The following ZFAND3 variants were observed in gnomAD, a reference collection of about 807,000 sequenced individuals.
ZFAND3 encodes the protein AN1-type zinc finger protein 3.
In ZFAND3, 10 loss-of-function variants were observed where a neutral mutation model predicts 29.6. The observed-to-expected ratio is 0.34, with a 90% CI of 0.21 to 0.57. ZFAND3 has a LOEUF of 0.57. Ranked by LOEUF, ZFAND3 falls within the 20% of genes least tolerant of loss-of-function variation. The pLI is 0.86. For missense variants in ZFAND3, 230 were observed against 304.5 expected, an observed-to-expected ratio of 0.76 and a Z score of 1.82; for synonymous variants, 128 against 112.6, an observed-to-expected ratio of 1.14 and a Z score of -0.87.
At position 38,061,642 on chromosome 6, in the gene ZFAND3, C is replaced by T; in HGVS notation, c.162C>T (p.Asn54=). The change falls in exon 3 of 6, where the codon AAC becomes AAT. Residue 54 remains asparagine (N), a synonymous_variant. Coordinates refer to ENST00000287218, the MANE Select transcript of ZFAND3 (RefSeq NM_021943.3). ...PDDDSAPSTS[N]SQSDLFSEET... ...ATGATTCCGCTCCAAGTACAAGTAA[C>T]AGCCAATCAGATTTGTTTTCCGAAG... is the stretch of plus-strand genomic sequence containing the variant. 2 of 1,614,172 alleles carry T rather than the reference C, an allele frequency of 1.2e-6. No individual in the cohort carries two copies. Among genetic ancestry groups the T allele is most frequent in the Non-Finnish European group, 8.5e-7 (1 of 1,180,014 alleles).
At chr6:38,126,457 T>C (rs146953234) in intron 5 of ZFAND3, among the ~76,000 whole-genome samples, 24 of 152,370 alleles carry the variant, frequency 1.6e-4, no homozygotes, top group Admixed American at 7.8e-4. Flanking sequence ...GTCCTTAACA[T>C]TGTAAGAAAC....
At chr6:38,057,129 A>G (rs1764147072) in intron 2 of ZFAND3, among the ~76,000 whole-genome samples, 1 of 152,204 alleles carries the variant, frequency 6.6e-6, no homozygotes, top group African/African-American at 2.4e-5. Context: ...TGAGAATTAT[A>G]AAATATATCA....
intron 2 of ZFAND3, among the ~76,000 whole-genome samples, chr6:37,957,132 A>G (rs548219077): frequency 2.3e-4 from 35 of 152,266 alleles, no homozygotes; most frequent in African/African-American, 7.9e-4. Context: ...GTTTGAAACG[A>G]TTCAGTCTTT....
chr6:37,871,592 T>G (rs897366586), intron 1 of ZFAND3, among the ~76,000 whole-genome samples: 6 of 152,232 alleles, frequency 3.9e-5, no homozygotes, highest in Non-Finnish European at 7.3e-5. Flanking sequence ...AACATTAATT[T>G]CTTGGTTTCT....
chr6:38,067,482 T>C (rs1764369226), intron 3 of ZFAND3, among the ~76,000 whole-genome samples: 1 of 152,228 alleles, frequency 6.6e-6, no homozygotes, highest in African/African-American at 2.4e-5. Context: ...CCATTCTCTA[T>C]CATGATTTAC....
chr6:37,901,210 C>T (rs1765313096), intron 1 of ZFAND3, among the ~76,000 whole-genome samples: 1 of 152,036 alleles, frequency 6.6e-6, no homozygotes, highest in African/African-American at 2.4e-5. Context: ...GTTCTATAAT[C>T]GTATATTCCT....
At chr6:38,103,426 CATATATATACACGTGT>C (rs1352820100) in intron 4 of ZFAND3, among the ~76,000 whole-genome samples, 4 of 133,192 alleles carry the variant, frequency 3.0e-5, no homozygotes, top group African/African-American at 6.6e-5. Context: ...TATACACACA[CATATATATACACGTGT>C]ATATATATAC....
chr6:37,898,559 A>T (rs754399090), intron 1 of ZFAND3, among the ~76,000 whole-genome samples: 1 of 152,290 alleles, frequency 6.6e-6, no homozygotes, highest in South Asian at 2.1e-4. Context: ...TGTGGTTTTG[A>T]TTGAAATTCT....
At chr6:37,846,596 A>G (rs1200495011) in intron 1 of ZFAND3, among the ~76,000 whole-genome samples, 2 of 152,140 alleles carry the variant, frequency 1.3e-5, no homozygotes, top group African/African-American at 4.8e-5. Context: ...ACTCCTTAAC[A>G]GTAAAGAGTC....
chr6:37,835,562 T>A (rs28655121), intron 1 of ZFAND3, among the ~76,000 whole-genome samples: 1 of 151,972 alleles, frequency 6.6e-6, no homozygotes. Context: ...AATCCTTTTT[T>A]AAAAAAATTA....
chr6:37,903,483 GCGT>G (rs1453688087), intron 1 of ZFAND3, among the ~76,000 whole-genome samples: 1 of 152,170 alleles, frequency 6.6e-6, no homozygotes, highest in Non-Finnish European at 1.5e-5. Context: ...TACTGTCAAA[GCGT>G]CTCCTATCTA....
At chr6:37,978,956 CT>C (rs774309845) in intron 2 of ZFAND3, among the ~76,000 whole-genome samples, 188 of 143,808 alleles carry the variant, frequency 1.3e-3, no homozygotes, top group South Asian at 4.4e-3. Flanking sequence ...TAATTTGTGT[CT>C]TTTTTTTTTT....
At chr6:37,995,799 A>G (rs1272860621) in intron 2 of ZFAND3, among the ~76,000 whole-genome samples, 2 of 152,148 alleles carry the variant, frequency 1.3e-5, no homozygotes, top group Non-Finnish European at 2.9e-5. Flanking sequence ...CTATCAAATT[A>G]TTCTAAATAT....
At chr6:38,114,814 G>A (rs1488999087) in intron 4 of ZFAND3, among the ~76,000 whole-genome samples, 1 of 152,310 alleles carries the variant, frequency 6.6e-6, no homozygotes, top group South Asian at 2.1e-4. Context: ...GGACTGCCTA[G>A]GAGACAAATT....
intron 2 of ZFAND3, among the ~76,000 whole-genome samples, chr6:37,931,278 C>T (rs1212260541): frequency 6.6e-6 from 1 of 152,106 alleles, no homozygotes; most frequent in Admixed American, 6.5e-5. Flanking sequence ...CAGATGCTGG[C>T]TAGAACAAAC....
intron 2 of ZFAND3, among the ~76,000 whole-genome samples, chr6:37,962,592 G>T (rs1762216584): frequency 6.6e-6 from 1 of 152,122 alleles, no homozygotes; most frequent in Non-Finnish European, 1.5e-5. Flanking sequence ...CTAGCTAAAG[G>T]TTTGTAAATG....
At chr6:37,920,028 C>T (rs1276367888) in intron 1 of ZFAND3, among the ~76,000 whole-genome samples, 1 of 141,228 alleles carries the variant, frequency 7.1e-6, no homozygotes, top group Admixed American at 7.1e-5. Context: ...ATTTCTCTTT[C>T]TCACTTCCAG....
At chr6:37,852,590 C>T (rs1027288817) in intron 1 of ZFAND3, among the ~76,000 whole-genome samples, 8 of 152,142 alleles carry the variant, frequency 5.3e-5, no homozygotes, top group Non-Finnish European at 8.8e-5. Flanking sequence ...GAATGTATTT[C>T]TGCCACCTCT....
intron 4 of ZFAND3, among the ~76,000 whole-genome samples, chr6:38,098,904 T>A (rs1765037586): frequency 6.6e-6 from 1 of 152,166 alleles, no homozygotes; most frequent in African/African-American, 2.4e-5. Context: ...GTTTTTTGTT[T>A]TTTGTTTTTG....
Sources: allele counts gnomAD v4.1 joint callset (sites outside exome capture counted in the v4.1 genomes callset), GRCh38; gene constraint gnomAD v4.1.1; transcripts MANE v1.5; gene names NCBI Gene and HGNC (gene_info 2026-07-23, HGNC 2026-07-21).